Variants in VPS8 observed in about 807,000 individuals in gnomAD.
VPS8 encodes the protein VPS8 subunit of CORVET complex.
VPS8 carries 129 observed loss-of-function variants against 216.4 expected under a neutral mutation model. That is an observed-to-expected ratio of 0.60 (90% CI 0.52 to 0.69). The LOEUF (loss-of-function observed/expected upper bound fraction) is 0.69. Among genes scored for constraint, VPS8 ranks in the 30% least tolerant of loss-of-function variants. The pLI is 0.00. For synonymous variants in VPS8, 571 were observed against 565.4 expected, an observed-to-expected ratio of 1.01 and a Z score of -0.14; for missense variants, 1,531 against 1,683.5, an observed-to-expected ratio of 0.91 and a Z score of 1.59.
chr3:184,964,176 G>A (rs941195814), intron 37 of VPS8, among the ~76,000 whole-genome samples: 1 of 151,748 alleles, frequency 6.6e-6, no homozygotes, highest in Non-Finnish European at 1.5e-5. Flanking sequence ...TGTATTGTTA[G>A]TATGTATGTA....
rs560712140 is a variant in VPS8, at chr3:184,874,180, A to G, written c.1734+3375A>G. On this transcript the variant is annotated intron_variant, in intron 21 of 47. Coordinates refer to ENST00000625842, the MANE Select transcript of VPS8 (RefSeq NM_001009921.3). Reference sequence around the variant, plus strand: ...CTCAAAACAACCATGTTAAACTCATATAATTACCTTTTTGAAAGGAATATA... The same window carrying G: ...CTCAAAACAACCATGTTAAACTCATGTAATTACCTTTTTGAAAGGAATATA... Among the ~76,000 whole-genome samples, 75 of 152,164 alleles carry G rather than the reference A, an allele frequency of 4.9e-4. 1 individual carries two copies. The highest frequency in any genetic ancestry group is 2.1e-3 in the South Asian group (10 of 4,826).
Position 184,868,953 on chromosome 3 carries a change from A to G in VPS8, c.1514A>G (p.Asp505Gly), listed in dbSNP as rs1727854331. The G allele has an allele frequency of 3.1e-6, 5 of 1,607,718 alleles. No individual in the cohort carries two copies. The highest frequency in any genetic ancestry group is 2.2e-5 in the East Asian group (1 of 44,684). ...CTCATTTTTCCGTTTTAGAGAGTGG[A>G]TCATCTCCTGAAACAAGATTGTCTT... ...MMLRSWRERV[D>G]HLLKQDCLTE... Residue 505 changes from aspartate to glycine, a missense_variant, in exon 19 of 48, where the codon GAT becomes GGT. Coordinates refer to ENST00000625842, the MANE Select transcript of VPS8 (RefSeq NM_001009921.3).
At chr3:184,894,508 G>GTATATATATATATATA (rs756172890) in intron 22 of VPS8, among the ~76,000 whole-genome samples, 195 bp from the exon 23 acceptor site, 3,254 of 132,654 alleles carry the variant, frequency 0.025, 85 homozygotes, top group Non-Finnish European at 0.036. Context: ...ATATACACAC[G>GTATATATATATATATA]TATATATATA....
chr3:184,985,312 T>C (rs1750896597), intron 42 of VPS8, among the ~76,000 whole-genome samples: 1 of 152,224 alleles, frequency 6.6e-6, no homozygotes, highest in South Asian at 2.1e-4. Context: ...TCTCACTTCC[T>C]AATTCACGTT....
chr3:184,938,038 G>A (rs1176612952), intron 35 of VPS8, among the ~76,000 whole-genome samples: 5 of 152,230 alleles, frequency 3.3e-5, no homozygotes, highest in Non-Finnish European at 7.3e-5. Context: ...GCAGTGGGGA[G>A]AATGGACTGG....
intron 25 of VPS8, chr3:184,901,233 TA>T: frequency 2.5e-6 from 1 of 392,174 alleles, no homozygotes; most frequent in South Asian, 5.8e-5. Flanking sequence ...ATACTTCATG[TA>T]AATGGAATTA....
At position 184,983,341 on chromosome 3, in the gene VPS8, T is replaced by C. The variant is rs138796499; in HGVS notation, c.3585+247T>C. The stretch of plus-strand genomic sequence containing the variant: ...AGTTAGGGCGTGCGGCCTTCAGATA[T>C]TCCCTGTTGCCTTGGGATTCAGATA... On this transcript the variant is annotated intron_variant, in intron 42 of 47. Coordinates refer to ENST00000625842, the MANE Select transcript of VPS8 (RefSeq NM_001009921.3). Among the ~76,000 whole-genome samples the C allele has an allele frequency of 4.0e-4, 61 of 152,318 alleles. 2 individuals are homozygous for C. Among genetic ancestry groups the C allele is most frequent in the Non-Finnish European group, 1.6e-4 (11 of 68,022 alleles).
chr3:185,016,272 A>G (rs1353027520), intron 45 of VPS8, among the ~76,000 whole-genome samples: 1 of 152,258 alleles, frequency 6.6e-6, no homozygotes, highest in Admixed American at 6.5e-5. Context: ...AAGGAATAGT[A>G]GTCTGAATTC....
chr3:185,016,433 A>G (rs896095833), intron 45 of VPS8, among the ~76,000 whole-genome samples: 4 of 152,224 alleles, frequency 2.6e-5, no homozygotes, highest in African/African-American at 7.2e-5. Flanking sequence ...AGTGGGTTCA[A>G]TTGCTTGTCC....
At chr3:184,874,512 A>T (rs1262223897) in intron 21 of VPS8, among the ~76,000 whole-genome samples, 1 of 152,332 alleles carries the variant, frequency 6.6e-6, no homozygotes, top group South Asian at 2.1e-4. Context: ...AATCAAAATC[A>T]TCATGAGTTG....
At position 184,862,916 on chromosome 3, in the gene VPS8, T is replaced by C. The variant is rs1299460078; in HGVS notation, c.1244T>C (p.Val415Ala). The change falls in exon 16 of 48, where the codon GTT (valine) becomes GCT (alanine). Residue 415 changes from valine (V) to alanine (A), a missense_variant. Transcript: ENST00000625842. ...TTACAGTGGATAAATTCACGCACAG[T>C]TGTGCTCTTAGACAGCGTAGAGAAG... is the stretch of plus-strand genomic sequence containing the variant. Reference protein sequence around the residue: ...INFTWINSRTVVLLDSVEKLH... With the variant: ...INFTWINSRTAVLLDSVEKLH... The C allele has an allele frequency of 1.9e-6, 3 of 1,613,496 alleles. No individual in the cohort carries two copies. Among genetic ancestry groups the C allele is most frequent in the Non-Finnish European group, 1.7e-6 (2 of 1,179,578 alleles).
chr3:185,047,003 CAGAG>C (rs1713072404), intron 46 of VPS8, among the ~76,000 whole-genome samples: 1 of 152,244 alleles, frequency 6.6e-6, no homozygotes, highest in Non-Finnish European at 1.5e-5. Flanking sequence ...GTGAGCAAGA[CAGAG>C]GGAGCTGACC....
At chr3:184,944,722 C>T (rs988289007) in intron 36 of VPS8, 12 of 335,802 alleles carry the variant, frequency 3.6e-5, no homozygotes, top group East Asian at 3.3e-4. Flanking sequence ...AAAACACATA[C>T]GTCACATTGT....
intron 40 of VPS8, among the ~76,000 whole-genome samples, chr3:184,978,642 TC>T (rs1275382454): frequency 1.3e-5 from 2 of 152,068 alleles, no homozygotes; most frequent in Non-Finnish European, 2.9e-5. Context: ...TCAAGCAATC[TC>T]CCCACCTCAG....
chr3:185,027,281 C>T (rs1402456625), intron 46 of VPS8, among the ~76,000 whole-genome samples: 5 of 124,484 alleles, frequency 4.0e-5, no homozygotes, highest in Middle Eastern at 8.6e-3. Flanking sequence ...CTCGCTCTGT[C>T]GCCCAGGCTA....
intron 34 of VPS8, among the ~76,000 whole-genome samples, chr3:184,934,014 T>A (rs1741168834): frequency 6.6e-6 from 1 of 152,232 alleles, no homozygotes; most frequent in Non-Finnish European, 1.5e-5. Context: ...GGCATTGCAC[T>A]GAATCTATCA....
chr3:184,985,807 A>G (rs1293710578), intron 42 of VPS8, among the ~76,000 whole-genome samples: 1 of 152,202 alleles, frequency 6.6e-6, no homozygotes. Flanking sequence ...TTTCCATTAT[A>G]TGGACTGGAA....
At chr3:185,017,702 G>A (rs1756006470) in intron 45 of VPS8, among the ~76,000 whole-genome samples, 1 of 152,216 alleles carries the variant, frequency 6.6e-6, no homozygotes, top group South Asian at 2.1e-4. Flanking sequence ...GGGGTTCCCA[G>A]GCAGAAGGCT....
chr3:184,880,757 G>A (rs1045371680), intron 21 of VPS8, among the ~76,000 whole-genome samples: 4 of 152,134 alleles, frequency 2.6e-5, no homozygotes, highest in African/African-American at 9.7e-5. Context: ...TTTCCAGAAT[G>A]CCAGTACCAT....
Sources: gnomAD v4.1 joint callset for allele counts (sites outside exome capture counted in the v4.1 genomes callset) on GRCh38, gnomAD v4.1.1 for gene constraint, MANE v1.5 for transcripts, NCBI Gene and HGNC (gene_info 2026-07-23, HGNC 2026-07-21) for gene names.